The following CNTN5 variants were observed in gnomAD, a reference collection of about 807,000 sequenced individuals.
The protein encoded by CNTN5 is contactin 5.
A neutral mutation model predicts 129.1 loss-of-function variants in CNTN5; 77 were observed. That is an observed-to-expected ratio of 0.60 (90% CI 0.50 to 0.72). The LOEUF (loss-of-function observed/expected upper bound fraction) is 0.72, where lower values mean the gene tolerates loss of function less well. Ranked by LOEUF, CNTN5 falls within the 30% of genes least tolerant of loss-of-function variation. CNTN5 has a pLI of 0.00. For synonymous variants in CNTN5, 509 were observed against 465.6 expected (o/e 1.09, Z -1.20); for missense variants, 1,478 against 1,328.8 (o/e 1.11, Z -1.75).
intron 2 of CNTN5, among the ~76,000 whole-genome samples, chr11:99,515,791 T>C (rs1947025473): frequency 6.6e-6 from 1 of 151,998 alleles, no homozygotes; most frequent in African/African-American, 2.4e-5. Context: ...ATAGATGAAA[T>C]AGGAATCTTT....
intron 1 of CNTN5, among the ~76,000 whole-genome samples, chr11:99,271,313 T>C (rs1436861789): frequency 1.3e-5 from 2 of 151,890 alleles, no homozygotes; most frequent in Non-Finnish European, 2.9e-5. Flanking sequence ...AAATAGTATA[T>C]TTTAATGCAT....
At chr11:100,140,053 A>G (rs1301385981) in intron 13 of CNTN5, among the ~76,000 whole-genome samples, 13 of 152,130 alleles carry the variant, frequency 8.5e-5, no homozygotes, top group Admixed American at 8.5e-4. Flanking sequence ...CAAGAGAAAG[A>G]GAGGAAGTAG....
At chr11:99,868,972 C>A (rs1355666040) in intron 6 of CNTN5, among the ~76,000 whole-genome samples, 2 of 152,156 alleles carry the variant, frequency 1.3e-5, no homozygotes, top group East Asian at 1.9e-4. Context: ...TGATTTCAAA[C>A]ACCAATTAAG....
intron 2 of CNTN5, among the ~76,000 whole-genome samples, chr11:99,348,337 C>A (rs12796955): frequency 0.24 from 36,609 of 151,964 alleles, 5,028 homozygotes; most frequent in Non-Finnish European, 0.31. Context: ...AGACTCCGTC[C>A]CCCCCAAAAA....
chr11:100,184,370 C>T (rs1439253403), intron 13 of CNTN5, among the ~76,000 whole-genome samples: 3 of 152,124 alleles, frequency 2.0e-5, no homozygotes, highest in African/African-American at 7.2e-5. Flanking sequence ...TGCTTTAAAA[C>T]ATAGGGTCTT....
chr11:99,777,839 A>G (rs996122400), intron 3 of CNTN5, among the ~76,000 whole-genome samples: 9 of 151,850 alleles, frequency 5.9e-5, no homozygotes, highest in African/African-American at 2.2e-4. Context: ...ATACATATGT[A>G]CGATTTTACC....
chr11:100,225,727 A>T (rs1391556694), intron 16 of CNTN5, among the ~76,000 whole-genome samples: 1 of 152,150 alleles, frequency 6.6e-6, no homozygotes, highest in Non-Finnish European at 1.5e-5. Flanking sequence ...TTTGAGTAGT[A>T]TGAGTATTGC....
At chr11:100,170,364 A>G (rs1016280977) in intron 13 of CNTN5, among the ~76,000 whole-genome samples, 3 of 151,992 alleles carry the variant, frequency 2.0e-5, no homozygotes, top group Non-Finnish European at 4.4e-5. Flanking sequence ...TGGGCTTAAC[A>G]CTTCATAAGA....
chr11:99,509,447 T>A (rs893463012), intron 2 of CNTN5, among the ~76,000 whole-genome samples: 3 of 152,194 alleles, frequency 2.0e-5, no homozygotes, highest in South Asian at 2.1e-4. Flanking sequence ...AATGGTGAAT[T>A]CTTCTTCATG....
intron 3 of CNTN5, among the ~76,000 whole-genome samples, chr11:99,618,856 T>C (rs1326229170): frequency 6.6e-6 from 1 of 152,158 alleles, no homozygotes; most frequent in African/African-American, 2.4e-5. Flanking sequence ...ATACACCTAC[T>C]ATCTGCAAAA....
chr11:99,425,508 A>G (rs1164919715), intron 2 of CNTN5, among the ~76,000 whole-genome samples: 2 of 152,192 alleles, frequency 1.3e-5, no homozygotes, highest in Non-Finnish European at 2.9e-5. Flanking sequence ...GTAGAGGGAC[A>G]AGGTGGTGGG....
At chr11:99,706,957 A>C (rs1216198766) in intron 3 of CNTN5, among the ~76,000 whole-genome samples, 1 of 151,290 alleles carries the variant, frequency 6.6e-6, no homozygotes, top group Non-Finnish European at 1.5e-5. Flanking sequence ...TTAATCTTGC[A>C]GACTATGGCT....
intron 1 of CNTN5, among the ~76,000 whole-genome samples, chr11:99,245,852 C>G (rs1484902875): frequency 6.6e-6 from 1 of 152,124 alleles, no homozygotes; most frequent in African/African-American, 2.4e-5. Flanking sequence ...TTCCAGACCT[C>G]TATTAACTAG....
At chr11:99,308,094 G>A (rs921088060) in intron 1 of CNTN5, among the ~76,000 whole-genome samples, 8 of 152,142 alleles carry the variant, frequency 5.3e-5, no homozygotes, top group African/African-American at 1.9e-4. Context: ...CAAATGAAAA[G>A]CTAATTTACT....
chr11:99,697,637 TAG>T lies in CNTN5; in HGVS notation c.56-121903_56-121902del, dbSNP rs113219476. Among the ~76,000 whole-genome samples, 1,455 of 151,606 alleles carry T rather than the reference TAG, an allele frequency of 9.6e-3. 31 individuals are homozygous for T. Among genetic ancestry groups the T allele is most frequent in the East Asian group, 0.093 (480 of 5,136 alleles). On this transcript the variant is annotated intron_variant, in intron 3 of 24. Coordinates refer to ENST00000524871, the MANE Select transcript of CNTN5 (RefSeq NM_014361.4). ...TGGGATCTTGAAAAAAAAGTAACAT[TAG>T]AGAAAATTAGGGAAATCTGAATAAA...
chr11:99,085,727 A>T (rs890671363), intron 1 of CNTN5, among the ~76,000 whole-genome samples: 26 of 152,290 alleles, frequency 1.7e-4, no homozygotes, highest in African/African-American at 6.3e-4. Context: ...TATTTGAATT[A>T]TTTAATGTAA....
chr11:99,039,462 G>A (rs556250955), intron 1 of CNTN5, among the ~76,000 whole-genome samples: 1 of 152,144 alleles, frequency 6.6e-6, no homozygotes, highest in Non-Finnish European at 1.5e-5. Flanking sequence ...ACTCAGAAAA[G>A]CCATGCTGCT....
intron 6 of CNTN5, among the ~76,000 whole-genome samples, chr11:99,860,500 G>C (rs1441367118): frequency 6.6e-6 from 1 of 152,098 alleles, no homozygotes; most frequent in East Asian, 1.9e-4. Flanking sequence ...AAATGTAGAG[G>C]TCCAATTTCA....
chr11:99,947,186 T>C (rs7934273), intron 7 of CNTN5, among the ~76,000 whole-genome samples: 59,926 of 151,198 alleles, frequency 0.4, 11,992 homozygotes, highest in East Asian at 0.46. Flanking sequence ...TTTATATTAC[T>C]AGCATAACTT....
Sources: allele counts gnomAD v4.1 joint callset (sites outside exome capture counted in the v4.1 genomes callset), GRCh38; gene constraint gnomAD v4.1.1; transcripts MANE v1.5; gene names NCBI Gene and HGNC (gene_info 2026-07-23, HGNC 2026-07-21).